Variants in SCN9A observed in about 807,000 individuals in gnomAD.
The protein encoded by SCN9A is sodium voltage-gated channel alpha subunit 9.
A neutral mutation model predicts 187.0 loss-of-function variants in SCN9A; 131 were observed. The observed-to-expected ratio is 0.70, with a 90% CI of 0.61 to 0.81. The LOEUF (loss-of-function observed/expected upper bound fraction) is 0.81. Ranked by LOEUF, SCN9A falls within the 30% of genes least tolerant of loss-of-function variation. The probability of loss-of-function intolerance (pLI) is 0.00; values close to 1 mark genes in which losing one functional copy is unlikely to be tolerated. For missense variants in SCN9A, 2,252 were observed against 2,396.6 expected, an observed-to-expected ratio of 0.94 and a Z score of 1.26; for synonymous variants, 809 against 808.6, an observed-to-expected ratio of 1.00 and a Z score of -0.01.
chr2:166,324,228 G>A (rs1292270236), intron 1 of SCN9A, among the ~76,000 whole-genome samples: 2 of 151,742 alleles, frequency 1.3e-5, no homozygotes, highest in Non-Finnish European at 2.9e-5. Context: ...AGCAGGCAGA[G>A]GTTGCAGTGA....
At chr2:166,345,615 A>C (rs186633344) in intron 1 of SCN9A, among the ~76,000 whole-genome samples, 1 of 152,258 alleles carries the variant, frequency 6.6e-6, no homozygotes, top group Non-Finnish European at 1.5e-5. Context: ...TAGAGGACAA[A>C]ACAAACAAAC....
intron 24 of SCN9A, among the ~76,000 whole-genome samples, chr2:166,208,849 G>C (rs1351763305): frequency 6.6e-6 from 1 of 152,204 alleles, no homozygotes; most frequent in South Asian, 2.1e-4. Flanking sequence ...AATCATAACT[G>C]TGCTGGTATC....
At chr2:166,216,083 A>G (rs1574733240) in intron 24 of SCN9A, among the ~76,000 whole-genome samples, 3 of 152,258 alleles carry the variant, frequency 2.0e-5, no homozygotes, top group African/African-American at 4.8e-5. Flanking sequence ...ATGGTTAAAC[A>G]TACATAAATC....
intron 1 of SCN9A, among the ~76,000 whole-genome samples, chr2:166,347,735 A>C (rs1162867163): frequency 6.6e-6 from 1 of 152,136 alleles, no homozygotes; most frequent in East Asian, 1.9e-4. Context: ...ACGGAAAACA[A>C]ATCCAGGAAG....
At position 166,293,783 on chromosome 2, in the gene SCN9A, CTCTT is replaced by C. The variant is rs757062330; in HGVS notation, c.966-415_966-412del. ...ATTGATATGTAGGCTGTTACCAAAG[CTCTT>C]TCTGTCTGTATAATTCTTGGAATAG... On this transcript the variant is annotated intron_variant, in intron 8 of 26. Transcript: ENST00000642356. Among the ~76,000 whole-genome samples, 11 of 152,270 alleles carry C rather than the reference CTCTT, an allele frequency of 7.2e-5. No homozygotes were observed. In the East Asian group the frequency reaches 1.7e-3, roughly 24 times the overall value.
chr2:166,316,056 A>G (rs566409045), intron 1 of SCN9A, among the ~76,000 whole-genome samples: 4 of 152,252 alleles, frequency 2.6e-5, no homozygotes, highest in Non-Finnish European at 5.9e-5. Flanking sequence ...AAAGAATGCT[A>G]GATTTAATCT....
chr2:166,305,685 A>T, intron 5 of SCN9A, 107 bp downstream of exon 5: 1 of 1,426,588 alleles, frequency 7.0e-7, no homozygotes, highest in Non-Finnish European at 9.7e-7. Context: ...TTAAATACAG[A>T]CATTCCATGC....
chr2:166,284,312 G>A, intron 12 of SCN9A, 141 bp downstream of exon 12: 2 of 949,796 alleles, frequency 2.1e-6, no homozygotes, highest in Middle Eastern at 3.2e-4. Flanking sequence ...TTAGGCTAAT[G>A]AATCAAAGGT....
intron 21 of SCN9A, 114 bp downstream of exon 21, chr2:166,233,226 C>T (rs116398099): frequency 0.072 from 46,695 of 651,378 alleles, 2,054 homozygotes; most frequent in Non-Finnish European, 0.084. Context: ...CATACATAAA[C>T]AGCCTATGTA....
rs34494272 is a variant in SCN9A, at chr2:166,214,503, C to CTTT, written c.4399-10042_4399-10040dup. ...AGACAATCCCAACTCTACAATCTTT[C>CTTT]TTTTTTTTTTTTTTTTTTTTTGAGA... On this transcript the variant is annotated intron_variant, in intron 24 of 26. Transcript: ENST00000642356. Among the ~76,000 whole-genome samples, 40 of 64,252 alleles carry CTTT rather than the reference C, an allele frequency of 6.2e-4. 1 individual carries two copies. Among genetic ancestry groups the CTTT allele is most frequent in the African/African-American group, 2.0e-3 (32 of 15,712 alleles). 42.2% of individuals were successfully genotyped at this position (64,252 alleles called of 152,430 possible). A position where few individuals can be genotyped will look rare whatever the true frequency, so the allele number is the denominator to read the frequency against.
At chr2:166,281,486 G>A (rs375470001) in intron 13 of SCN9A, among the ~76,000 whole-genome samples, 193 bp downstream of exon 13, 16 of 151,970 alleles carry the variant, frequency 1.1e-4, no homozygotes, top group African/African-American at 3.6e-4. Context: ...GTGTTTAATA[G>A]CAAATAATTT....
rs373097296 is a variant in SCN9A at position 166,284,607 on chromosome 2, C to A, written c.1820G>T (p.Arg607Met). The stretch of plus-strand genomic sequence containing the variant: ...GTTCACCGGCAGCATTGGTGGGGAC[C>A]TACTGGCTTGGCTGATGTTACTGCT... Reference protein sequence around the residue: ...RRSSNISQASRSPPMLPVNGK... With the variant: ...RRSSNISQASMSPPMLPVNGK... Residue 607 changes from arginine (R) to methionine (M), a missense_variant, in exon 12 of 27, where the codon AGG becomes ATG. Coordinates refer to ENST00000642356, the MANE Select transcript of SCN9A (RefSeq NM_001365536.1). The A allele has an allele frequency of 6.2e-7, 1 of 1,614,028 alleles. No homozygotes were observed.
intron 17 of SCN9A, 136 bp downstream of exon 17, chr2:166,272,263 G>T: frequency 1.8e-6 from 1 of 565,298 alleles, no homozygotes; most frequent in Non-Finnish European, 3.0e-6. Context: ...GGAAGCTGTT[G>T]TGTAAAGTCA....
At chr2:166,222,923 T>C (rs1574747607) in intron 24 of SCN9A, among the ~76,000 whole-genome samples, 1 of 67,886 alleles carries the variant, frequency 1.5e-5, no homozygotes, top group Non-Finnish European at 2.4e-5. Context: ...AGAGCGAAAC[T>C]CCGTCTCAAA....
intron 1 of SCN9A, among the ~76,000 whole-genome samples, chr2:166,352,573 C>T (rs1396153162): frequency 6.6e-6 from 1 of 152,180 alleles, no homozygotes; most frequent in Non-Finnish European, 1.5e-5. Flanking sequence ...TAAAGTACAT[C>T]TTGCTTTTCG....
chr2:166,363,894 AGT>A (rs1214777097), intron 1 of SCN9A, among the ~76,000 whole-genome samples: 1 of 152,134 alleles, frequency 6.6e-6, no homozygotes, highest in Non-Finnish European at 1.5e-5. Context: ...ACTACTAGAA[AGT>A]GAAAAGGCAA....
At chr2:166,362,667 TTA>T (rs1700313797) in intron 1 of SCN9A, among the ~76,000 whole-genome samples, 1 of 151,920 alleles carries the variant, frequency 6.6e-6, no homozygotes, top group African/African-American at 2.4e-5. Context: ...AACATTTGCT[TTA>T]TCTCAGAATC....
chr2:166,287,911 A>C (rs983562416), intron 10 of SCN9A, among the ~76,000 whole-genome samples: 1 of 149,656 alleles, frequency 6.7e-6, no homozygotes, highest in Admixed American at 6.7e-5. Context: ...CACTGTATAC[A>C]ATTGGTACTC....
chr2:166,204,641 G>T (rs1693711572), intron 24 of SCN9A, 177 bp from the exon 25 acceptor site: 1 of 386,648 alleles, frequency 2.6e-6, no homozygotes, highest in Non-Finnish European at 4.6e-6. Flanking sequence ...TAGAAACATG[G>T]GTCTCCAAAC....
Sources: allele counts gnomAD v4.1 joint callset (sites outside exome capture counted in the v4.1 genomes callset), GRCh38; gene constraint gnomAD v4.1.1; transcripts MANE v1.5; gene names NCBI Gene and HGNC (gene_info 2026-07-23, HGNC 2026-07-21).